Variants in TAF4B observed in about 807,000 individuals in gnomAD.
TAF4B encodes the protein TATA-box binding protein associated factor 4b, also known as transcription initiation factor TFIID subunit 4B.
A neutral mutation model predicts 86.4 loss-of-function variants in TAF4B; 38 were observed. That is an observed-to-expected ratio of 0.44 (90% CI 0.34 to 0.58). TAF4B has a LOEUF of 0.58. Ranked by LOEUF, TAF4B falls within the 20% of genes least tolerant of loss-of-function variation. The pLI, the probability that TAF4B is intolerant of heterozygous loss-of-function variation, is 0.02. For synonymous variants in TAF4B, 388 were observed against 391.2 expected, an observed-to-expected ratio of 0.99 and a Z score of 0.10; for missense variants, 988 against 1,027.6, an observed-to-expected ratio of 0.96 and a Z score of 0.53.
At chr18:26,273,976 G>A (rs1190316955) in intron 3 of TAF4B, among the ~76,000 whole-genome samples, 2 of 152,048 alleles carry the variant, frequency 1.3e-5, no homozygotes, top group African/African-American at 2.4e-5. Flanking sequence ...GTAACTTTTA[G>A]TGTTTGTCTT....
At chr18:26,235,690 G>A (rs1434278790) in intron 1 of TAF4B, among the ~76,000 whole-genome samples, 3 of 152,170 alleles carry the variant, frequency 2.0e-5, no homozygotes, top group Non-Finnish European at 4.4e-5. Context: ...GATCCTCAAA[G>A]GCAAAGAGAA....
At chr18:26,319,851 A>G (rs982493804) in intron 10 of TAF4B, among the ~76,000 whole-genome samples, 4 of 152,110 alleles carry the variant, frequency 2.6e-5, no homozygotes, top group Non-Finnish European at 5.9e-5. Flanking sequence ...TGGCCTCCCA[A>G]AGTGCTGGAA....
chr18:26,272,417 G>A (rs1273217137), intron 3 of TAF4B, among the ~76,000 whole-genome samples: 1 of 152,064 alleles, frequency 6.6e-6, no homozygotes, highest in African/African-American at 2.4e-5. Context: ...AGGGGTTGGG[G>A]ACCCCTGTGG....
At chr18:26,340,491 G>C (rs1051382856) in intron 13 of TAF4B, among the ~76,000 whole-genome samples, 1 of 152,152 alleles carries the variant, frequency 6.6e-6, no homozygotes, top group Non-Finnish European at 1.5e-5. Flanking sequence ...TAAATAACTT[G>C]TGTATGACAG....
At chr18:26,373,920 G>T (rs974953604) in intron 14 of TAF4B, among the ~76,000 whole-genome samples, 2 of 152,092 alleles carry the variant, frequency 1.3e-5, no homozygotes, top group Admixed American at 1.3e-4. Context: ...AGCCTTTTCT[G>T]CCTTAACACA....
chr18:26,324,405 C>T (rs2056987925), intron 11 of TAF4B, among the ~76,000 whole-genome samples: 1 of 152,184 alleles, frequency 6.6e-6, no homozygotes. Context: ...AGTCACCATG[C>T]CTGGCCACGT....
intron 9 of TAF4B, among the ~76,000 whole-genome samples, chr18:26,296,968 GTC>G (rs2056670176): frequency 6.6e-6 from 1 of 151,944 alleles, no homozygotes; most frequent in Non-Finnish European, 1.5e-5. Flanking sequence ...ATGAAACCCT[GTC>G]TCTACCGAAA....
At chr18:26,264,136 T>C (rs909542630) in intron 1 of TAF4B, among the ~76,000 whole-genome samples, 7 of 152,066 alleles carry the variant, frequency 4.6e-5, no homozygotes, top group Non-Finnish European at 1.0e-4. Context: ...AAAGAGTGGG[T>C]TGATTAAAAT....
At chr18:26,347,067 C>A (rs1442425605) in intron 13 of TAF4B, among the ~76,000 whole-genome samples, 2 of 148,844 alleles carry the variant, frequency 1.3e-5, no homozygotes, top group Non-Finnish European at 3.0e-5. Flanking sequence ...ACTACAGGTG[C>A]CCACCACCAA....
intron 13 of TAF4B, among the ~76,000 whole-genome samples, chr18:26,354,999 GT>G (rs2057275993): frequency 6.6e-6 from 1 of 152,104 alleles, no homozygotes; most frequent in Non-Finnish European, 1.5e-5. Flanking sequence ...TGAAATCTTT[GT>G]TGAGTCTTAC....
intron 9 of TAF4B, among the ~76,000 whole-genome samples, chr18:26,296,739 C>T (rs920799053): frequency 3.3e-5 from 5 of 152,268 alleles, no homozygotes; most frequent in Non-Finnish European, 7.3e-5. Context: ...CACATTACAC[C>T]TCAGGTTCTG....
chr18:26,358,317 T>G (rs2057304243), intron 14 of TAF4B, among the ~76,000 whole-genome samples: 1 of 152,236 alleles, frequency 6.6e-6, no homozygotes, highest in Non-Finnish European at 1.5e-5. Context: ...GTCTTTTGTA[T>G]TCCCCCATAG....
chr18:26,241,653 C>T (rs897415066), intron 1 of TAF4B, among the ~76,000 whole-genome samples: 1 of 152,002 alleles, frequency 6.6e-6, no homozygotes, highest in African/African-American at 2.4e-5. Flanking sequence ...GCTCTTGCTT[C>T]TCTAGTTCTT....
chr18:26,386,210 G>A (rs1388320183), intron 14 of TAF4B, among the ~76,000 whole-genome samples: 1 of 151,976 alleles, frequency 6.6e-6, no homozygotes, highest in Non-Finnish European at 1.5e-5. Flanking sequence ...CTCTGTGCTG[G>A]CAGCTGTAAT....
At chr18:26,237,427 C>G (rs1030311598) in intron 1 of TAF4B, among the ~76,000 whole-genome samples, 4 of 152,124 alleles carry the variant, frequency 2.6e-5, no homozygotes, top group African/African-American at 9.7e-5. Flanking sequence ...GGACATGTAT[C>G]CAGGTTGGGC....
chr18:26,242,878 A>G (rs951349359), intron 1 of TAF4B, among the ~76,000 whole-genome samples: 1 of 149,680 alleles, frequency 6.7e-6, no homozygotes, highest in Non-Finnish European at 1.5e-5. Context: ...TTCTGACTTG[A>G]AAATTCTTTC....
intron 12 of TAF4B, among the ~76,000 whole-genome samples, chr18:26,328,910 C>T (rs1374420855): frequency 2.0e-5 from 3 of 152,040 alleles, no homozygotes; most frequent in African/African-American, 7.2e-5. Flanking sequence ...GCCACCGTGT[C>T]CAGCCTTATC....
chr18:26,369,412 T>C (rs2057392351), intron 14 of TAF4B, among the ~76,000 whole-genome samples: 1 of 152,238 alleles, frequency 6.6e-6, no homozygotes, highest in Non-Finnish European at 1.5e-5. Flanking sequence ...GTTACCTGTT[T>C]TTAAGACAAA....
Position 26,346,765 on chromosome 18 carries a change from A to G in TAF4B, c.2317-10925A>G, listed in dbSNP as rs1227281338. 2.1e-4 allele frequency among the ~76,000 whole-genome samples: 6 copies of G among 28,512 alleles called. 1 individual carries two copies. Among genetic ancestry groups the G allele is most frequent in the African/African-American group, 5.2e-4 (6 of 11,466 alleles). The allele number at this position is 28,512 out of a possible 152,430, so 18.7% of individuals were successfully genotyped here. A position where few individuals can be genotyped will look rare whatever the true frequency, so the allele number is the denominator to read the frequency against. ...TATATATATATATATGTGTGTATAT[A>G]TATATATATGTGTGTGTATATATAT... On this transcript the variant is annotated intron_variant, in intron 13 of 14. Coordinates refer to ENST00000269142, the MANE Select transcript of TAF4B (RefSeq NM_005640.3).
Sources: allele counts gnomAD v4.1 joint callset (sites outside exome capture counted in the v4.1 genomes callset), GRCh38; gene constraint gnomAD v4.1.1; transcripts MANE v1.5; gene names NCBI Gene and HGNC (gene_info 2026-07-23, HGNC 2026-07-21).